Variants in PIBF1 observed in about 807,000 individuals in gnomAD.
The protein encoded by PIBF1 is progesterone immunomodulatory binding factor 1.
In PIBF1, 90 loss-of-function variants were observed where a neutral mutation model predicts 112.5. The ratio of observed to expected loss-of-function variants is 0.80; its 90% CI spans 0.67 to 0.95. The LOEUF is 0.95. Among genes scored for constraint, PIBF1 ranks in the 40% least tolerant of loss-of-function variants. The probability of loss-of-function intolerance (pLI) is 0.00; values close to 1 mark genes in which losing one functional copy is unlikely to be tolerated. For missense variants in PIBF1, 915 were observed against 852.3 expected (o/e 1.07, Z -0.92); for synonymous variants, 301 against 288.6 (o/e 1.04, Z -0.44).
chr13:72,908,956 A>G (rs1177750054), intron 12 of PIBF1, among the ~76,000 whole-genome samples: 3 of 152,114 alleles, frequency 2.0e-5, no homozygotes, highest in Admixed American at 6.6e-5. Flanking sequence ...CTGAGGCAGG[A>G]GAATTGCTTG....
chr13:72,793,769 G>T (rs2035054721), intron 3 of PIBF1, among the ~76,000 whole-genome samples: 1 of 152,160 alleles, frequency 6.6e-6, no homozygotes, highest in South Asian at 2.1e-4. Flanking sequence ...TACATCAAAA[G>T]TTTTGGCCTG....
At chr13:72,992,511 A>G (rs2043512366) in intron 16 of PIBF1, among the ~76,000 whole-genome samples, 1 of 152,096 alleles carries the variant, frequency 6.6e-6, no homozygotes, top group Admixed American at 6.6e-5. Flanking sequence ...GTACACAGAG[A>G]TTGTACTCAA....
intron 16 of PIBF1, among the ~76,000 whole-genome samples, chr13:72,994,656 C>T (rs545568521): frequency 1.3e-5 from 2 of 152,116 alleles, no homozygotes; most frequent in African/African-American, 4.8e-5. Context: ...GATGAGATGC[C>T]AAACTCAAAT....
chr13:72,947,128 C>A (rs1245583801), intron 14 of PIBF1, among the ~76,000 whole-genome samples: 1 of 152,248 alleles, frequency 6.6e-6, no homozygotes, highest in Non-Finnish European at 1.5e-5. Flanking sequence ...CATACATCCT[C>A]TGAAATCTAG....
At chr13:72,908,745 C>T in intron 12 of PIBF1, 64 bp downstream of exon 12, 3 of 1,445,232 alleles carry the variant, frequency 2.1e-6, no homozygotes, top group African/African-American at 1.4e-5. Context: ...GACGCCTGAC[C>T]TTATTTCTAA....
intron 17 of PIBF1, among the ~76,000 whole-genome samples, chr13:73,009,516 T>C (rs1200752934): frequency 6.6e-6 from 1 of 152,088 alleles, no homozygotes; most frequent in African/African-American, 2.4e-5. Context: ...ATTAAACTAA[T>C]CCCAAGTACA....
At chr13:72,939,682 G>A (rs944843418) in intron 14 of PIBF1, among the ~76,000 whole-genome samples, 1 of 152,092 alleles carries the variant, frequency 6.6e-6, no homozygotes, top group African/African-American at 2.4e-5. Flanking sequence ...AAAAAGCGCT[G>A]CTATGAACAC....
At chr13:72,856,959 T>C (rs1388407576) in intron 10 of PIBF1, among the ~76,000 whole-genome samples, 1 of 152,226 alleles carries the variant, frequency 6.6e-6, no homozygotes, top group African/African-American at 2.4e-5. Flanking sequence ...TTTTACGTTA[T>C]GCCTTCATGT....
At chr13:72,876,844 A>G (rs967247686) in intron 10 of PIBF1, among the ~76,000 whole-genome samples, 1 of 152,168 alleles carries the variant, frequency 6.6e-6, no homozygotes, top group African/African-American at 2.4e-5. Flanking sequence ...GATTTTCTAC[A>G]TAAACAGTCA....
intron 3 of PIBF1, 140 bp downstream of exon 3, chr13:72,792,687 C>A: frequency 1.8e-6 from 1 of 549,486 alleles, no homozygotes; most frequent in Non-Finnish European, 3.2e-6. Flanking sequence ...ACACCTAGAC[C>A]ACAAAAAAAG....
chr13:72,823,813 G>A lies in PIBF1; in HGVS notation c.806+1831G>A, dbSNP rs925735139. 8.5e-5 allele frequency among the ~76,000 whole-genome samples: 13 copies of A among 152,088 alleles called. 1 individual carries two copies. Among genetic ancestry groups the A allele is most frequent in the East Asian group, 1.9e-4 (1 of 5,184 alleles). On this transcript the variant is annotated intron_variant, in intron 6 of 17. Coordinates refer to ENST00000326291, the MANE Select transcript of PIBF1 (RefSeq NM_006346.4). ...CATAATGTTCCTAGTTTTGGTTTTCGTTTGTTGGTTTTGTAATTTCATTGC... is the reference window on the plus strand; with the variant it reads ...CATAATGTTCCTAGTTTTGGTTTTCATTTGTTGGTTTTGTAATTTCATTGC...
At chr13:73,014,570 G>A (rs1054058155) in intron 17 of PIBF1, among the ~76,000 whole-genome samples, 1 of 152,150 alleles carries the variant, frequency 6.6e-6, no homozygotes, top group East Asian at 1.9e-4. Flanking sequence ...TGGACCTAGG[G>A]TGATAATATG....
intron 6 of PIBF1, among the ~76,000 whole-genome samples, chr13:72,823,269 G>A (rs1292968191): frequency 6.6e-6 from 1 of 152,152 alleles, no homozygotes; most frequent in Non-Finnish European, 1.5e-5. Flanking sequence ...GGCCACGGAT[G>A]ATCATTGAAA....
rs764393001 is a variant in PIBF1, at chr13:72,940,901, A to G, written c.1833+9634A>G. Among the ~76,000 whole-genome samples the G allele has an allele frequency of 5.9e-5, 9 of 152,234 alleles. No individual in the cohort carries two copies. In the South Asian group the frequency reaches 1.0e-3, roughly 18 times the overall value. ...CTGTCTCCTGTCTTTATACATATGC[A>G]CTGTTCTGTGCCAGGTAAATACTTA... On this transcript the variant is annotated intron_variant, in intron 14 of 17. Transcript: ENST00000326291.
At chr13:72,948,367 A>G (rs1030585640) in intron 14 of PIBF1, among the ~76,000 whole-genome samples, 1 of 152,190 alleles carries the variant, frequency 6.6e-6, no homozygotes, top group Non-Finnish European at 1.5e-5. Context: ...CCAGTTCCCA[A>G]GAAGTTCCTC....
intron 6 of PIBF1, among the ~76,000 whole-genome samples, chr13:72,822,258 A>C (rs1217757967): frequency 6.6e-6 from 1 of 152,052 alleles, no homozygotes; most frequent in Non-Finnish European, 1.5e-5. Context: ...TTATTTGATG[A>C]TTATTTTTAT....
chr13:72,915,619 C>T (rs1274749803), intron 12 of PIBF1, among the ~76,000 whole-genome samples: 4 of 152,124 alleles, frequency 2.6e-5, no homozygotes, highest in Admixed American at 2.6e-4. Flanking sequence ...AATGTTAGCT[C>T]TAGTTCCAGT....
At chr13:72,953,170 TC>T (rs753023299) in intron 14 of PIBF1, among the ~76,000 whole-genome samples, 7 of 152,080 alleles carry the variant, frequency 4.6e-5, no homozygotes, top group Non-Finnish European at 8.8e-5. Context: ...GACCTGCTGT[TC>T]CAGCTGTTCA....
At chr13:72,956,665 A>G (rs1233502040) in intron 14 of PIBF1, among the ~76,000 whole-genome samples, 8 of 152,142 alleles carry the variant, frequency 5.3e-5, no homozygotes, top group Admixed American at 4.6e-4. Flanking sequence ...TCTTTAGTCT[A>G]TTTAGCTGAT....
Sources: allele counts gnomAD v4.1 joint callset (sites outside exome capture counted in the v4.1 genomes callset), GRCh38; gene constraint gnomAD v4.1.1; transcripts MANE v1.5; gene names NCBI Gene and HGNC (gene_info 2026-07-23, HGNC 2026-07-21).